ZNF738: variants seen among roughly 807,000 people sequenced by gnomAD.
ZNF738 encodes the protein protein ZNF738.
ZNF738 carries 10 observed loss-of-function variants against 9.2 expected under a neutral mutation model. That is an observed-to-expected ratio of 1.09 (90% CI 0.67 to 1.85). ZNF738 has a LOEUF of 1.85. ZNF738 is among the 40% of genes most tolerant of loss of function. ZNF738 has a pLI of 0.00. For synonymous variants in ZNF738, 113 were observed against 94.5 expected (o/e 1.20, Z -1.14); for missense variants, 346 against 283.6 (o/e 1.22, Z -1.58).
In ZNF738 at chr19:21,375,378, T is replaced by C. The variant is rs1160037141; in HGVS notation, c.223+14T>C. 2.6e-6 allele frequency: 2 copies of C among 764,730 alleles called. No homozygotes were observed. The allele number at this position is 764,730 out of a possible 1,614,324, so 47.4% of individuals were successfully genotyped here. A position where few individuals can be genotyped will look rare whatever the true frequency, so the allele number is the denominator to read the frequency against. Reference sequence around the variant, plus strand: ...TGGTGTTCTTGGGTGAGAATAACTTTAATACACAATTCCTTATATACACTA... The same window carrying C: ...TGGTGTTCTTGGGTGAGAATAACTTCAATACACAATTCCTTATATACACTA... On this transcript the variant is annotated intron_variant, in intron 3 of 4. Coordinates refer to ENST00000683779, the MANE Select transcript of ZNF738 (RefSeq NM_001355237.2).
chr19:21,386,453 C>A lies in ZNF738; in HGVS notation c.*2779C>A. On this transcript the variant is annotated 3_prime_UTR_variant, in exon 5 of 5. Coordinates refer to ENST00000683779, the MANE Select transcript of ZNF738 (RefSeq NM_001355237.2). ...GGATGTGGTAAAGCCGTTATCCAGTCCTCAACTCCCACTAAACATAACATA... is the reference window on the plus strand; with the variant it reads ...GGATGTGGTAAAGCCGTTATCCAGTACTCAACTCCCACTAAACATAACATA... 3.3e-6 allele frequency: 1 copy of A among 305,478 alleles called. No homozygotes were observed. Among genetic ancestry groups the A allele is most frequent in the Non-Finnish European group, 6.8e-6 (1 of 147,816 alleles). 18.9% of individuals were successfully genotyped at this position (305,478 alleles called of 1,614,324 possible).
chr19:21,378,125 T>C, intron 4 of ZNF738: 1 of 395,578 alleles, frequency 2.5e-6, no homozygotes, highest in Non-Finnish European at 4.5e-6. Flanking sequence ...TCTCATTACA[T>C]ATGTTCTCAG....
chr19:21,366,248 G>C (rs1396050516), intron 2 of ZNF738, among the ~76,000 whole-genome samples: 1 of 152,160 alleles, frequency 6.6e-6, no homozygotes, highest in Non-Finnish European at 1.5e-5. Flanking sequence ...ACTTTACTGA[G>C]AGCGGTCTCT....
chr19:21,383,607 A>G lies in ZNF738; in HGVS notation c.1061A>G (p.Asn354Ser). 6 of 982,352 alleles carry G rather than the reference A, an allele frequency of 6.1e-6. No homozygotes were observed. Among genetic ancestry groups the G allele is most frequent in the Non-Finnish European group, 9.6e-6 (6 of 622,366 alleles). The allele number at this position is 982,352 out of a possible 1,614,324, so 60.9% of individuals were successfully genotyped here. The change falls in exon 5 of 5, where the codon AAT becomes AGT. Residue 354 changes from asparagine to serine, a missense_variant. Coordinates refer to ENST00000683779, the MANE Select transcript of ZNF738 (RefSeq NM_001355237.2). ...TGTGAGGAATGTGGCAAAGCTTTTA[A>G]TTGGTACTCACACCTTACCAGACAT... ...YKCEECGKAF[N>S]WYSHLTRHKI...
intron 3 of ZNF738, 57 bp from the exon 4 acceptor site, chr19:21,375,812 A>C (rs2067425875): frequency 1.3e-6 from 1 of 747,316 alleles, no homozygotes; most frequent in Non-Finnish European, 2.5e-6. Flanking sequence ...GCACAGTAAT[A>C]GGTAGGTAAT....
Position 21,375,893 on chromosome 19 carries a change from T to G in ZNF738, c.248T>G (p.Leu83Arg). 1.3e-6 allele frequency: 1 copy of G among 796,058 alleles called. No individual in the cohort carries two copies. The highest frequency in any genetic ancestry group is 2.3e-6 in the Non-Finnish European group (1 of 434,772). 49.3% of individuals were successfully genotyped at this position (796,058 alleles called of 1,614,324 possible). A position where few individuals can be genotyped will look rare whatever the true frequency, so the allele number is the denominator to read the frequency against. ...FLGIDVSKPD[L>R]ITCLEQGKDP... ...GGTATTGATGTCTCTAAGCCAGATC[T>G]GATCACCTGTCTGGAGCAAGGAAAA... The change falls in exon 4 of 5, where the codon CTG becomes CGG. Residue 83 changes from leucine (L) to arginine (R), a missense_variant. Leu to Arg is a moderately radical substitution (Grantham distance 102). Transcript: ENST00000683779.
chr19:21,359,507 G>T (rs193017520), intron 1 of ZNF738, among the ~76,000 whole-genome samples: 1 of 152,176 alleles, frequency 6.6e-6, no homozygotes, highest in Non-Finnish European at 1.5e-5. Flanking sequence ...GGTTTGTTCC[G>T]TGGGGTTCCC....
rs1042108262 is a variant in ZNF738, at chr19:21,386,544, AC to A, written c.*2872del. ...GCAAAGCTTTTAACCAGTCCTACAA[AC>A]CTTTTTGAACAAAATAATTCATACA... On this transcript the variant is annotated 3_prime_UTR_variant, in exon 5 of 5. Coordinates refer to ENST00000683779, the MANE Select transcript of ZNF738 (RefSeq NM_001355237.2). 2 of 359,792 alleles carry A rather than the reference AC, an allele frequency of 5.6e-6. No homozygotes were observed. The highest frequency in any genetic ancestry group is 4.3e-5 in the African/African-American group (2 of 46,606). 22.3% of individuals were successfully genotyped at this position (359,792 alleles called of 1,614,324 possible). A position where few individuals can be genotyped will look rare whatever the true frequency, so the allele number is the denominator to read the frequency against.
rs772290780 is a variant in ZNF738 at position 21,359,155 on chromosome 19, G to A, written c.3+12G>A. 2.9e-6 allele frequency: 3 copies of A among 1,051,352 alleles called. No homozygotes were observed. The highest frequency in any genetic ancestry group is 2.4e-5 in the East Asian group (1 of 42,188). 65.1% of individuals were successfully genotyped at this position (1,051,352 alleles called of 1,614,324 possible). A position where few individuals can be genotyped will look rare whatever the true frequency, so the allele number is the denominator to read the frequency against. On this transcript the variant is annotated intron_variant, in intron 1 of 4. Transcript: ENST00000683779. Reference sequence around the variant, plus strand: ...GAAGCCTAGAAATGGTGAGAGTGCGGGGTCCAACATCCCGAGAGAGGGGAA... The same window carrying A: ...GAAGCCTAGAAATGGTGAGAGTGCGAGGTCCAACATCCCGAGAGAGGGGAA...
intron 4 of ZNF738, chr19:21,378,643 T>TTGTTCCCC: frequency 2.7e-6 from 1 of 366,036 alleles, no homozygotes; most frequent in Non-Finnish European, 5.8e-6. Context: ...AGTTTCACTG[T>TTGTTCCCC]TGTTCCCCAG....
At chr19:21,365,830 G>A (rs117873139) in intron 2 of ZNF738, among the ~76,000 whole-genome samples, 7,986 of 151,740 alleles carry the variant, frequency 0.053, 318 homozygotes, top group Non-Finnish European at 0.083. Flanking sequence ...GGTAGGGCGC[G>A]CCTATAATCC....
chr19:21,386,218 C>T lies in ZNF738; in HGVS notation c.*2544C>T, dbSNP rs1974065328. On this transcript the variant is annotated 3_prime_UTR_variant, in exon 5 of 5. Transcript: ENST00000683779. ...GCAAAGCCTTTAATGGTCCCCTCAA[C>T]TTTCTGCACATAAGATAATTTATAC... 1 of 284,760 alleles carries T rather than the reference C, an allele frequency of 3.5e-6. No homozygotes were observed. Among genetic ancestry groups the T allele is most frequent in the Middle Eastern group, 9.5e-4 (1 of 1,048 alleles). The allele number at this position is 284,760 out of a possible 1,614,324, so 17.6% of individuals were successfully genotyped here.
chr19:21,380,939 G>A lies in ZNF738; in HGVS notation c.320-1927G>A, dbSNP rs184689974. Among the ~76,000 whole-genome samples, 325 of 152,236 alleles carry A rather than the reference G, an allele frequency of 2.1e-3. 4 individuals carry two copies. The highest frequency in any genetic ancestry group is 1.1e-3 in the Non-Finnish European group (74 of 68,018). ...CTGTTCAGGAAATGGATAAACAGGT[G>A]CCCAGGAAGGCAACTTTAATGAAAC... On this transcript the variant is annotated intron_variant, in intron 4 of 4. Coordinates refer to ENST00000683779, the MANE Select transcript of ZNF738 (RefSeq NM_001355237.2).
Position 21,386,254 on chromosome 19 carries a change from C to G in ZNF738, c.*2580C>G, listed in dbSNP as rs765027866. 1.3e-4 allele frequency: 36 copies of G among 281,588 alleles called. No individual in the cohort carries two copies. The highest frequency in any genetic ancestry group is 2.0e-4 in the Non-Finnish European group (28 of 137,636). The allele number at this position is 281,588 out of a possible 1,614,324, so 17.4% of individuals were successfully genotyped here. ...TAAGATAATTTATACTGTGGAGAAG[C>G]CTTACAAATGTGAAAAATGTAGCAA... is the stretch of plus-strand genomic sequence containing the variant. On this transcript the variant is annotated 3_prime_UTR_variant, in exon 5 of 5. Coordinates refer to ENST00000683779, the MANE Select transcript of ZNF738 (RefSeq NM_001355237.2).
chr19:21,369,612 C>G (rs1307410949), intron 2 of ZNF738, among the ~76,000 whole-genome samples: 3 of 152,126 alleles, frequency 2.0e-5, no homozygotes, highest in Non-Finnish European at 4.4e-5. Context: ...GCTAGTTATT[C>G]CAGCACCATT....
chr19:21,365,504 T>C (rs1385761869), intron 2 of ZNF738, among the ~76,000 whole-genome samples: 1 of 152,182 alleles, frequency 6.6e-6, no homozygotes, highest in Non-Finnish European at 1.5e-5. Flanking sequence ...AACTACTTCA[T>C]GCTGTATAGG....
At chr19:21,382,568 G>A (rs908130842) in intron 4 of ZNF738, among the ~76,000 whole-genome samples, 3 of 152,212 alleles carry the variant, frequency 2.0e-5, no homozygotes, top group Non-Finnish European at 1.5e-5. Flanking sequence ...ATGTTATATC[G>A]GGGAGCAGGA....
In ZNF738 at chr19:21,375,887, C is replaced by T; in HGVS notation, c.242C>T (p.Pro81Leu). ...LVFLGIDVSK[P>L]DLITCLEQGK... ...AAATCAGGTATTGATGTCTCTAAGCCAGATCTGATCACCTGTCTGGAGCAA... is the reference window on the plus strand; with the variant it reads ...AAATCAGGTATTGATGTCTCTAAGCTAGATCTGATCACCTGTCTGGAGCAA... Residue 81 changes from proline (P) to leucine (L), a missense_variant, in exon 4 of 5, where the codon CCA becomes CTA. Physicochemically the swap from Pro to Leu is moderately conservative, Grantham distance 98. Coordinates refer to ENST00000683779, the MANE Select transcript of ZNF738 (RefSeq NM_001355237.2). The T allele has an allele frequency of 1.3e-6, 1 of 794,156 alleles. No homozygotes were observed. Among genetic ancestry groups the T allele is most frequent in the Non-Finnish European group, 2.3e-6 (1 of 434,074 alleles). The allele number at this position is 794,156 out of a possible 1,614,324, so 49.2% of individuals were successfully genotyped here. A position where few individuals can be genotyped will look rare whatever the true frequency, so the allele number is the denominator to read the frequency against.
Position 21,366,438 on chromosome 19 carries a change from AAGTC to A in ZNF738, c.96+4583_96+4586del, listed in dbSNP as rs531571643. Among the ~76,000 whole-genome samples the A allele has an allele frequency of 2.2e-3, 332 of 152,228 alleles. 3 individuals carry two copies. The highest frequency in any genetic ancestry group is 3.4e-3 in the Middle Eastern group (1 of 294). ...TCCTTTACCCAGGTATATGGACTCA[AAGTC>A]AGCCAATTGGTATCCACAGATAATT... On this transcript the variant is annotated intron_variant, in intron 2 of 4. Coordinates refer to ENST00000683779, the MANE Select transcript of ZNF738 (RefSeq NM_001355237.2).
Sources: allele counts gnomAD v4.1 joint callset (sites outside exome capture counted in the v4.1 genomes callset), GRCh38; gene constraint gnomAD v4.1.1; transcripts MANE v1.5; gene names NCBI Gene and HGNC (gene_info 2026-07-23, HGNC 2026-07-21).